SLC20A1: variants seen among roughly 807,000 people sequenced by gnomAD.
SLC20A1 encodes the protein solute carrier family 20 member 1.
In SLC20A1, 28 loss-of-function variants were observed where a neutral mutation model predicts 62.7. That is an observed-to-expected ratio of 0.45 (90% CI 0.33 to 0.61). The LOEUF is 0.61. SLC20A1 is among the 20% of genes least tolerant of loss of function. The pLI is 0.02. For synonymous variants in SLC20A1, 305 were observed against 302.9 expected, an observed-to-expected ratio of 1.01 and a Z score of -0.07; for missense variants, 673 against 838.6, an observed-to-expected ratio of 0.80 and a Z score of 2.44.
Position 112,646,927 on chromosome 2 carries a change from T to A in SLC20A1, c.99T>A (p.Phe33Leu). ...WMLILGFIIA[F>L]VLAFSVGAND... ...TCATCCTGGGCTTCATTATTGCATTTGTCTTGGCATTCTCCGTGGGAGCCA... is the reference window on the plus strand; with the variant it reads ...TCATCCTGGGCTTCATTATTGCATTAGTCTTGGCATTCTCCGTGGGAGCCA... Residue 33 changes from phenylalanine (F) to leucine (L), a missense_variant, in exon 2 of 11, where the codon TTT (phenylalanine) becomes TTA (leucine). By Grantham distance (22) the Phe-to-Leu change is conservative (BLOSUM62 0). Coordinates refer to ENST00000272542, the MANE Select transcript of SLC20A1 (RefSeq NM_005415.5). 1 of 1,614,056 alleles carries A rather than the reference T, an allele frequency of 6.2e-7. No homozygotes were observed. Among genetic ancestry groups the A allele is most frequent in the South Asian group, 1.1e-5 (1 of 91,052 alleles).
chr2:112,663,042 A>G lies in SLC20A1; in HGVS notation c.*17A>G. The G allele has an allele frequency of 6.2e-7, 1 of 1,613,506 alleles. No individual in the cohort carries two copies. The highest frequency in any genetic ancestry group is 8.5e-7 in the Non-Finnish European group (1 of 1,179,576). ...AGAATGTGAAGCTGTTTGAGATTAA[A>G]ATTTGTGTCAATGTTTGGGACCATC... On this transcript the variant is annotated 3_prime_UTR_variant, in exon 11 of 11. Transcript: ENST00000272542.
chr2:112,661,324 C>T (rs949383513), intron 10 of SLC20A1, 98 bp downstream of exon 10: 13 of 872,996 alleles, frequency 1.5e-5, no homozygotes, highest in African/African-American at 3.3e-5. Flanking sequence ...AAGTTTTGTG[C>T]AGTTGGAGTC....
At chr2:112,648,205 A>G (rs1476140362) in intron 4 of SLC20A1, among the ~76,000 whole-genome samples, 3 of 152,192 alleles carry the variant, frequency 2.0e-5, no homozygotes, top group East Asian at 1.9e-4. Context: ...TCTGCCTCCC[A>G]TAGTGACTTG....
At position 112,659,547 on chromosome 2, in the gene SLC20A1, C is replaced by A; in HGVS notation, c.1392C>A (p.Tyr464Ter). 1 of 1,614,234 alleles carries A rather than the reference C, an allele frequency of 6.2e-7. No individual in the cohort carries two copies. The highest frequency in any genetic ancestry group is 8.5e-7 in the Non-Finnish European group (1 of 1,180,044). The change falls in exon 8 of 11, where the codon TAC (tyrosine) becomes TAA (stop). Residue 464 changes from tyrosine to a stop codon, truncating the protein, a stop_gained. Transcript: ENST00000272542. LOFTEE classifies it high-confidence loss of function. ...AGAAGCGAATTCGAATGGACAGTTACACCAGTTACTGCAATGCTGTGTCTG... is the reference window on the plus strand; with the variant it reads ...AGAAGCGAATTCGAATGGACAGTTAAACCAGTTACTGCAATGCTGTGTCTG... ...DSKKRIRMDS[Y>*]TSYCNAVSDL...
intron 5 of SLC20A1, among the ~76,000 whole-genome samples, chr2:112,655,102 G>A (rs981948901): frequency 6.6e-6 from 1 of 151,042 alleles, no homozygotes; most frequent in African/African-American, 2.4e-5. Context: ...CCGAGTAGCT[G>A]GGATTACACA....
intron 5 of SLC20A1, 85 bp from the exon 6 acceptor site, chr2:112,657,037 C>A: frequency 6.6e-7 from 1 of 1,510,386 alleles, no homozygotes; most frequent in Non-Finnish European, 9.2e-7. Context: ...TATGGGGAAC[C>A]CCTCAGTCCC....
At chr2:112,654,034 C>T (rs1029511699) in intron 5 of SLC20A1, among the ~76,000 whole-genome samples, 5 of 152,096 alleles carry the variant, frequency 3.3e-5, no homozygotes, top group African/African-American at 9.7e-5. Context: ...TCAGGTGGTC[C>T]GCCTGCCTCA....
At chr2:112,648,838 C>G (rs1006823471) in intron 4 of SLC20A1, among the ~76,000 whole-genome samples, 1 of 152,202 alleles carries the variant, frequency 6.6e-6, no homozygotes, top group Non-Finnish European at 1.5e-5. Context: ...ATCTACCTTC[C>G]CACTCCCTAC....
At chr2:112,650,578 G>A (rs990996991) in intron 4 of SLC20A1, among the ~76,000 whole-genome samples, 2 of 151,976 alleles carry the variant, frequency 1.3e-5, no homozygotes, top group South Asian at 2.1e-4. Context: ...TGCTCTGTCC[G>A]TCTTGGCCTC....
intron 8 of SLC20A1, 98 bp downstream of exon 8, chr2:112,659,860 C>T (rs1403816548): frequency 2.0e-6 from 2 of 989,088 alleles, no homozygotes; most frequent in Non-Finnish European, 1.5e-6. Flanking sequence ...CTAGCATTTA[C>T]AGGACCCCAA....
rs2104640307 is a variant in SLC20A1 at position 112,647,646 on chromosome 2, A to T, written c.476-7A>T. The stretch of plus-strand genomic sequence containing the variant: ...TTGATATTTTTTCTTAATGTGTTCT[A>T]TTCCAGTGATGTCTTGGTTCGTGTC... On this transcript the variant is annotated splice_region_variant and splice_polypyrimidine_tract_variant and intron_variant, in intron 3 of 10. Coordinates refer to ENST00000272542, the MANE Select transcript of SLC20A1 (RefSeq NM_005415.5). The T allele has an allele frequency of 6.2e-7, 1 of 1,610,820 alleles. No individual in the cohort carries two copies. Among genetic ancestry groups the T allele is most frequent in the East Asian group, 2.2e-5 (1 of 44,852 alleles).
At chr2:112,650,656 G>A (rs922169457) in intron 4 of SLC20A1, among the ~76,000 whole-genome samples, 4 of 150,086 alleles carry the variant, frequency 2.7e-5, no homozygotes, top group Admixed American at 1.3e-4. Context: ...GCGAAGTCTC[G>A]CCTGTCACCC....
intron 6 of SLC20A1, 46 bp downstream of exon 6, chr2:112,657,287 G>A: frequency 6.4e-7 from 1 of 1,563,100 alleles, no homozygotes; most frequent in Non-Finnish European, 8.7e-7. Context: ...CTAATGTTGT[G>A]TTTATTTTTT....
rs1430515211 is a variant in SLC20A1, at chr2:112,661,167, G to T, written c.1819G>T (p.Ala607Ser). 6.2e-7 allele frequency: 1 copy of T among 1,614,036 alleles called. No individual in the cohort carries two copies. The highest frequency in any genetic ancestry group is 8.5e-7 in the Non-Finnish European group (1 of 1,179,920). The part of the protein sequence containing the change: ...SSGFSIELAS[A>S]LTVVIASNIG... ...TGGCTTCAGTATTGAACTGGCATCT[G>T]CCCTCACTGTGGTGATTGCATCAAA... The change falls in exon 10 of 11, where the codon GCC becomes TCC. Residue 607 changes from alanine (A) to serine (S), a missense_variant. Physicochemically the swap from Ala to Ser is moderately conservative, Grantham distance 99 (BLOSUM62 1). Transcript: ENST00000272542.
rs553106300 is a variant in SLC20A1 at position 112,656,282 on chromosome 2, G to T, written c.659-840G>T. Among the ~76,000 whole-genome samples the T allele has an allele frequency of 4.9e-5, 7 of 143,050 alleles. No individual in the cohort carries two copies. The East Asian group carries it at 1.4e-3, about 29-fold the overall frequency. The allele number at this position is 143,050 out of a possible 152,430, so 93.8% of individuals were successfully genotyped here. A position where few individuals can be genotyped will look rare whatever the true frequency, so the allele number is the denominator to read the frequency against. On this transcript the variant is annotated intron_variant, in intron 5 of 10. Transcript: ENST00000272542. ...GCAATCTCAGCTCACTGCAACCTCC[G>T]CCCTGCCAGGTTCAAGTGATTCTCC...
intron 4 of SLC20A1, among the ~76,000 whole-genome samples, chr2:112,649,430 A>G (rs1686374648): frequency 6.6e-6 from 1 of 152,202 alleles, no homozygotes; most frequent in African/African-American, 2.4e-5. Flanking sequence ...GCTTCCTTTT[A>G]GGAGTTAAAT....
intron 4 of SLC20A1, among the ~76,000 whole-genome samples, chr2:112,650,334 C>CTTT (rs398042584): frequency 1.5e-5 from 2 of 134,908 alleles, no homozygotes; most frequent in Non-Finnish European, 3.2e-5. Context: ...TTTTTGGAGC[C>CTTT]TTTTTTTTTT....
In SLC20A1 at chr2:112,647,062, G is replaced by T; in HGVS notation, c.234G>T (p.Gly78=). Residue 78 remains glycine (G), a synonymous_variant, in exon 2 of 11, where the codon GGG becomes GGT. Transcript: ENST00000272542. ...IFETVGSVLL[G]AKVSETIRKG... ...AAACAGTGGGCTCTGTCTTACTGGG[G>T]GCCAAAGTGAGCGAAACCATCCGGA... The T allele has an allele frequency of 6.2e-7, 1 of 1,614,130 alleles. No individual in the cohort carries two copies. The highest frequency in any genetic ancestry group is 8.5e-7 in the Non-Finnish European group (1 of 1,180,040).
At chr2:112,661,719 T>C (rs946530518) in intron 10 of SLC20A1, among the ~76,000 whole-genome samples, 13 of 152,164 alleles carry the variant, frequency 8.5e-5, no homozygotes, top group Admixed American at 3.3e-4. Flanking sequence ...TGGCTAATTT[T>C]TGTATTTTTA....
Sources: gnomAD v4.1 joint callset for allele counts (sites outside exome capture counted in the v4.1 genomes callset) on GRCh38, gnomAD v4.1.1 for gene constraint, MANE v1.5 for transcripts, NCBI Gene and HGNC (gene_info 2026-07-23, HGNC 2026-07-21) for gene names.